The following CALCR variants were observed in gnomAD, a reference collection of about 807,000 sequenced individuals.
CALCR encodes the protein calcitonin receptor.
In CALCR, 47 loss-of-function variants were observed where a neutral mutation model predicts 59.5. The observed-to-expected ratio is 0.79, with a 90% CI of 0.63 to 1.01. The LOEUF (loss-of-function observed/expected upper bound fraction) is 1.01. Ranked by LOEUF, CALCR falls within the 50% of genes least tolerant of loss-of-function variation. The probability of loss-of-function intolerance (pLI) is 0.00; values close to 1 mark genes in which losing one functional copy is unlikely to be tolerated. For missense variants in CALCR, 566 were observed against 597.1 expected, an observed-to-expected ratio of 0.95 and a Z score of 0.54; for synonymous variants, 213 against 211.3, an observed-to-expected ratio of 1.01 and a Z score of -0.07.
At chr7:93,502,960 C>T (rs1267563973) in intron 2 of CALCR, among the ~76,000 whole-genome samples, 1 of 151,988 alleles carries the variant, frequency 6.6e-6, no homozygotes, top group East Asian at 1.9e-4. Context: ...CGTATTACCT[C>T]CTTCAATCTT....
At chr7:93,428,912 TTTAGAG>T (rs754146330) in intron 13 of CALCR, among the ~76,000 whole-genome samples, 8 of 152,282 alleles carry the variant, frequency 5.3e-5, no homozygotes, top group South Asian at 2.1e-4. Flanking sequence ...CAGTTATGAG[TTTAGAG>T]TTAGTTTGCA....
chr7:93,483,797 G>C, intron 3 of CALCR: 1 of 283,446 alleles, frequency 3.5e-6, no homozygotes, highest in Non-Finnish European at 7.5e-6. Context: ...ATGATTATAT[G>C]TTCACATTCA....
At chr7:93,437,956 CT>C (rs1391725967) in intron 11 of CALCR, 103 bp downstream of exon 11, 1 of 1,046,732 alleles carries the variant, frequency 9.6e-7, no homozygotes, top group Non-Finnish European at 1.4e-6. Context: ...ATCAAATTAG[CT>C]TCATTTTGAA....
chr7:93,497,200 G>A (rs1370912165), intron 2 of CALCR, among the ~76,000 whole-genome samples: 2 of 151,458 alleles, frequency 1.3e-5, no homozygotes, highest in African/African-American at 4.8e-5. Flanking sequence ...GAATAAAAAT[G>A]ATGTCATATT....
At chr7:93,537,638 A>G (rs897241448) in intron 2 of CALCR, among the ~76,000 whole-genome samples, 1 of 151,812 alleles carries the variant, frequency 6.6e-6, no homozygotes, top group Non-Finnish European at 1.5e-5. Context: ...TCAATTACTT[A>G]ACTAGCTTGT....
At chr7:93,567,222 G>A (rs548314630) in intron 2 of CALCR, among the ~76,000 whole-genome samples, 8 of 152,348 alleles carry the variant, frequency 5.3e-5, no homozygotes, top group Admixed American at 1.3e-4. Context: ...CAGATGAATA[G>A]CTGAAAGCTC....
At chr7:93,484,454 T>C (rs2115917732) in intron 3 of CALCR, among the ~76,000 whole-genome samples, 1 of 151,892 alleles carries the variant, frequency 6.6e-6, no homozygotes, top group East Asian at 2.0e-4. Flanking sequence ...CTCTAAAAAG[T>C]ATGTAAACCT....
At chr7:93,460,064 T>A (rs888400557) in intron 8 of CALCR, among the ~76,000 whole-genome samples, 1 of 152,040 alleles carries the variant, frequency 6.6e-6, no homozygotes, top group Non-Finnish European at 1.5e-5. Flanking sequence ...TAGCTACTCA[T>A]AGGAGAGATG....
At chr7:93,568,775 CTA>C (rs906426728) in intron 2 of CALCR, among the ~76,000 whole-genome samples, 1 of 152,064 alleles carries the variant, frequency 6.6e-6, no homozygotes, top group Non-Finnish European at 1.5e-5. Flanking sequence ...AATAGATTCA[CTA>C]TGTCTCTTAA....
chr7:93,566,091 A>G (rs1789858546), intron 2 of CALCR, among the ~76,000 whole-genome samples: 1 of 152,038 alleles, frequency 6.6e-6, no homozygotes, highest in Admixed American at 6.5e-5. Flanking sequence ...TTTTTCCTAT[A>G]ATACAATAAA....
intron 4 of CALCR, among the ~76,000 whole-genome samples, chr7:93,478,700 G>C (rs1305023702): frequency 6.6e-6 from 1 of 151,256 alleles, no homozygotes; most frequent in Non-Finnish European, 1.5e-5. Context: ...TGCCTCAGGG[G>C]ACAAGTAGGA....
At chr7:93,431,717 T>C (rs1799662059) in intron 13 of CALCR, among the ~76,000 whole-genome samples, 1 of 152,178 alleles carries the variant, frequency 6.6e-6, no homozygotes, top group Non-Finnish European at 1.5e-5. Context: ...ATAAACAAAA[T>C]TTTAGCTTTT....
intron 2 of CALCR, among the ~76,000 whole-genome samples, chr7:93,507,311 A>G (rs376659983): frequency 1.3e-5 from 2 of 152,250 alleles, no homozygotes; most frequent in African/African-American, 4.8e-5. Flanking sequence ...GGTCAGAAGG[A>G]CAAGTCAAGT....
chr7:93,528,818 T>A (rs1448592164), intron 2 of CALCR, among the ~76,000 whole-genome samples: 1 of 152,196 alleles, frequency 6.6e-6, no homozygotes, highest in Non-Finnish European at 1.5e-5. Flanking sequence ...TTGGCCTGAT[T>A]AAGGCTTCTG....
At position 93,574,431 on chromosome 7, in the gene CALCR, G is replaced by C. The variant is rs1790071638; in HGVS notation, c.-169C>G. On this transcript the variant is annotated 5_prime_UTR_variant, in exon 2 of 14. Coordinates refer to ENST00000426151, the MANE Select transcript of CALCR (RefSeq NM_001742.4). ...GTCAGCCGCAGGGTGAGGTGCGGACGTGCGCACTTCTCCAACCCGGGAAGG... is the reference window on the plus strand; with the variant it reads ...GTCAGCCGCAGGGTGAGGTGCGGACCTGCGCACTTCTCCAACCCGGGAAGG... 6.6e-6 allele frequency: 1 copy of C among 151,468 alleles called. No individual in the cohort carries two copies. The highest frequency in any genetic ancestry group is 6.6e-5 in the Admixed American group (1 of 15,232). 9.4% of individuals were successfully genotyped at this position (151,468 alleles called of 1,614,324 possible). A position where few individuals can be genotyped will look rare whatever the true frequency, so the allele number is the denominator to read the frequency against.
intron 2 of CALCR, among the ~76,000 whole-genome samples, chr7:93,505,215 C>T (rs937117222): frequency 6.6e-6 from 1 of 151,958 alleles, no homozygotes; most frequent in Admixed American, 6.6e-5. Flanking sequence ...TGCAGAACTC[C>T]CCCCCAAAAA....
intron 2 of CALCR, among the ~76,000 whole-genome samples, chr7:93,540,075 G>A (rs751050240): frequency 6.6e-6 from 1 of 152,154 alleles, no homozygotes; most frequent in African/African-American, 2.4e-5. Context: ...GATTCTGTTC[G>A]CTGCCCTAGG....
In CALCR at chr7:93,434,304, G is replaced by C; in HGVS notation, c.1150-10C>G. 1 of 1,600,708 alleles carries C rather than the reference G, an allele frequency of 6.2e-7. No homozygotes were observed. The highest frequency in any genetic ancestry group is 8.6e-7 in the Non-Finnish European group (1 of 1,169,480). On this transcript the variant is annotated splice_polypyrimidine_tract_variant and intron_variant, in intron 12 of 13. Transcript: ENST00000426151. ...TCGCAACAAAGAAGCCCTAAAAAGGGAAGGAAAAATACAGTTGAAGTTATT... is the reference window on the plus strand; with the variant it reads ...TCGCAACAAAGAAGCCCTAAAAAGGCAAGGAAAAATACAGTTGAAGTTATT...
intron 2 of CALCR, among the ~76,000 whole-genome samples, chr7:93,517,314 T>TTCTTTTTTTTTTTTTTTATTATACTC (rs1206907976): frequency 6.6e-6 from 1 of 151,482 alleles, no homozygotes; most frequent in South Asian, 2.1e-4. Flanking sequence ...CTTTTTTTTT[T>TTCTTTTTTTTTTTTTTTATTATACTC]TAATTTGCTA....
Sources: gnomAD v4.1 joint callset for allele counts (sites outside exome capture counted in the v4.1 genomes callset) on GRCh38, gnomAD v4.1.1 for gene constraint, MANE v1.5 for transcripts, NCBI Gene and HGNC (gene_info 2026-07-23, HGNC 2026-07-21) for gene names.